Variants in HS6ST2 observed in about 807,000 individuals in gnomAD.
HS6ST2 encodes the protein heparan sulfate 6-O-sulfotransferase 2, also known as heparan-sulfate 6-O-sulfotransferase 2.
HS6ST2 carries 17 observed loss-of-function variants against 33.0 expected under a neutral mutation model. The ratio of observed to expected loss-of-function variants is 0.52; its 90% confidence interval spans 0.35 to 0.77. The LOEUF is 0.77. HS6ST2 is among the 30% of genes least tolerant of loss of function. HS6ST2 has a pLI of 0.01. For missense variants in HS6ST2, 519 were observed against 551.7 expected, an observed-to-expected ratio of 0.94 and a Z score of 0.59; for synonymous variants, 248 against 237.1, an observed-to-expected ratio of 1.05 and a Z score of -0.42.
intron 2 of HS6ST2, among the ~76,000 whole-genome samples, chrX:132,765,845 C>A (rs1343471351): frequency 8.9e-6 from 1 of 112,224 alleles, no homozygotes; most frequent in African/African-American, 3.2e-5. Flanking sequence ...CTCATGTAAT[C>A]ATCATAGCAA....
intron 2 of HS6ST2, among the ~76,000 whole-genome samples, chrX:132,784,956 TG>T (rs1183502105): frequency 8.9e-6 from 1 of 111,792 alleles, no homozygotes; most frequent in African/African-American, 3.3e-5. Flanking sequence ...ACCTCGTCCT[TG>T]GTTCGGTTCA....
intron 2 of HS6ST2, among the ~76,000 whole-genome samples, chrX:132,912,651 C>A (rs1018706724): frequency 5.4e-5 from 6 of 111,972 alleles, no homozygotes. Flanking sequence ...CTTTTACTGA[C>A]CCATTGTAAA....
chrX:132,664,106 G>A (rs979785252), intron 4 of HS6ST2, among the ~76,000 whole-genome samples: 1 of 112,005 alleles, frequency 8.9e-6, no homozygotes, highest in Middle Eastern at 4.2e-3. Context: ...TGCCTCCTGG[G>A]TTCAAATGAT....
intron 2 of HS6ST2, among the ~76,000 whole-genome samples, chrX:132,801,771 T>G (rs2065238159): frequency 8.9e-6 from 1 of 112,256 alleles, no homozygotes; most frequent in South Asian, 3.7e-4. Flanking sequence ...GTGTGCATCC[T>G]CAAAGGATTT....
At position 132,956,854 on chromosome X, in the gene HS6ST2, G is replaced by A; in HGVS notation, c.901C>T (p.Pro301Ser). The A allele has an allele frequency of 8.4e-7, 1 of 1,184,101 alleles. No homozygotes were observed. Among genetic ancestry groups the A allele is most frequent in the Middle Eastern group, 2.4e-4 (1 of 4,165 alleles). ...ADWTELTSCV[P>S]SVVDGKRDAR... ...TCGCGCTTGCCGTCCACCACGGAGG[G>A]CACACAGCTGGTGAGCTCGGTCCAG... The change falls in exon 2 of 5, where the codon CCC (proline) becomes TCC (serine). Residue 301 changes from proline to serine, a missense_variant. Coordinates refer to ENST00000370833, the MANE Select transcript of HS6ST2 (RefSeq NM_001394073.1).
intron 2 of HS6ST2, among the ~76,000 whole-genome samples, chrX:132,809,502 C>G (rs954523401): frequency 3.2e-4 from 36 of 112,065 alleles, no homozygotes; most frequent in Non-Finnish European, 5.3e-4. Flanking sequence ...GCATCATGGT[C>G]CCTGCCTTTC....
At chrX:132,701,116 T>C (rs1453743066) in intron 3 of HS6ST2, among the ~76,000 whole-genome samples, 1 of 112,376 alleles carries the variant, frequency 8.9e-6, no homozygotes, top group Non-Finnish European at 1.9e-5. Context: ...TAGGATTCAG[T>C]TGACTTGTGT....
chrX:132,731,275 T>G (rs780548753), intron 2 of HS6ST2, among the ~76,000 whole-genome samples: 4 of 111,312 alleles, frequency 3.6e-5, no homozygotes, highest in Non-Finnish European at 5.7e-5. Context: ...CGAAGCCACT[T>G]TTATTTGATT....
chrX:132,820,643 C>T (rs1156967337), intron 2 of HS6ST2, among the ~76,000 whole-genome samples: 2 of 111,692 alleles, frequency 1.8e-5, no homozygotes, highest in Non-Finnish European at 3.8e-5. Context: ...TGGCTGCTAT[C>T]GAGAACCACC....
At chrX:132,675,144 T>C (rs990472036) in intron 3 of HS6ST2, among the ~76,000 whole-genome samples, 2 of 110,623 alleles carry the variant, frequency 1.8e-5, no homozygotes, top group African/African-American at 6.6e-5. Flanking sequence ...CGGATTCAGT[T>C]TGGGGCCTAT....
upstream of HS6ST2, chrX:132,958,891 T>A: frequency 6.3e-6 from 2 of 315,015 alleles, no homozygotes; most frequent in Non-Finnish European, 1.1e-5. Context: ...GTCAGCATGA[T>A]AAAAAGACAG....
At chrX:132,872,694 G>A (rs1323970217) in intron 2 of HS6ST2, among the ~76,000 whole-genome samples, 1 of 111,758 alleles carries the variant, frequency 8.9e-6, no homozygotes, top group Non-Finnish European at 1.9e-5. Flanking sequence ...TTATTGAGAA[G>A]CTGACTCCTT....
At chrX:132,938,026 G>A (rs1306273269) in intron 2 of HS6ST2, among the ~76,000 whole-genome samples, 1 of 108,236 alleles carries the variant, frequency 9.2e-6, no homozygotes, top group Non-Finnish European at 1.9e-5. Context: ...TCTGGGAATA[G>A]TGATGCACAC....
rs145922552 is a variant in HS6ST2, at chrX:132,746,653, T to C, written c.948-38159A>G. Among the ~76,000 whole-genome samples, 13 of 112,094 alleles carry C rather than the reference T, an allele frequency of 1.2e-4. No homozygotes were observed. The East Asian group carries it at 3.1e-3, about 27-fold the overall frequency. ...CTAGGAAGATGCCTCCCTCCAATAA[T>C]GTTTAGGTGAAGGACAACAGAATTC... On this transcript the variant is annotated intron_variant, in intron 2 of 4. Transcript: ENST00000370833.
chrX:132,644,666 C>A (rs1296470756), intron 4 of HS6ST2, among the ~76,000 whole-genome samples: 1 of 111,508 alleles, frequency 9.0e-6, no homozygotes, highest in Non-Finnish European at 1.9e-5. Flanking sequence ...CTTATGGGAA[C>A]TCAGACTGGT....
chrX:132,900,602 T>C (rs1219524337), intron 2 of HS6ST2, among the ~76,000 whole-genome samples: 2 of 110,925 alleles, frequency 1.8e-5, no homozygotes, highest in Non-Finnish European at 3.8e-5. Flanking sequence ...TGGTATAACA[T>C]ATGTAGAAAA....
At chrX:132,779,538 T>C (rs2064999571) in intron 2 of HS6ST2, among the ~76,000 whole-genome samples, 1 of 110,394 alleles carries the variant, frequency 9.1e-6, no homozygotes, top group African/African-American at 3.3e-5. Flanking sequence ...AGCTGCAAAA[T>C]AAACTTAAGA....
intron 2 of HS6ST2, among the ~76,000 whole-genome samples, chrX:132,815,819 G>C (rs941069900): frequency 9.0e-6 from 1 of 111,139 alleles, no homozygotes; most frequent in Non-Finnish European, 1.9e-5. Context: ...TCCCCACAGT[G>C]GTTGCCTAGG....
At chrX:132,680,533 T>C (rs1226049828) in intron 3 of HS6ST2, among the ~76,000 whole-genome samples, 1 of 111,241 alleles carries the variant, frequency 9.0e-6, no homozygotes, top group Non-Finnish European at 1.9e-5. Flanking sequence ...TTAGAAGAGA[T>C]TACATGAGGA....
Sources: gnomAD v4.1 joint callset for allele counts (sites outside exome capture counted in the v4.1 genomes callset) on GRCh38, gnomAD v4.1.1 for gene constraint, MANE v1.5 for transcripts, NCBI Gene and HGNC (gene_info 2026-07-23, HGNC 2026-07-21) for gene names.